Variants in USH2A observed in about 807,000 individuals in gnomAD.
USH2A encodes the protein Usher syndrome 2A (autosomal recessive, mild).
A neutral mutation model predicts 538.9 loss-of-function variants in USH2A; 443 were observed. The observed-to-expected ratio is 0.82, with a 90% CI of 0.76 to 0.89. The LOEUF is 0.89. Among genes scored for constraint, USH2A ranks in the 40% least tolerant of loss-of-function variants. The pLI, the probability that USH2A is intolerant of heterozygous loss-of-function variation, is 0.00. For missense variants in USH2A, 6,633 were observed against 6,324.8 expected (o/e 1.05, Z -1.65); for synonymous variants, 2,413 against 2,273.5 (o/e 1.06, Z -1.75).
chr1:216,308,957 G>A (rs2037371149), intron 9 of USH2A, among the ~76,000 whole-genome samples: 1 of 152,118 alleles, frequency 6.6e-6, no homozygotes, highest in African/African-American at 2.4e-5. Flanking sequence ...TGAGGGCAAA[G>A]GAAAAATACG....
chr1:215,881,830 C>G (rs1388272988), intron 41 of USH2A, among the ~76,000 whole-genome samples: 1 of 150,542 alleles, frequency 6.6e-6, no homozygotes, highest in African/African-American at 2.4e-5. Flanking sequence ...TCCATTTTTT[C>G]TGTTTATTGT....
chr1:216,188,190 G>A (rs879601477), intron 20 of USH2A, among the ~76,000 whole-genome samples: 13 of 151,636 alleles, frequency 8.6e-5, no homozygotes, highest in African/African-American at 2.4e-4. Context: ...CATCTTTTAC[G>A]CAACAGGATT....
At chr1:215,883,773 C>A (rs1282755830) in intron 41 of USH2A, among the ~76,000 whole-genome samples, 1 of 152,106 alleles carries the variant, frequency 6.6e-6, no homozygotes, top group Non-Finnish European at 1.5e-5. Flanking sequence ...CATGCCAATA[C>A]CATATTATTA....
At chr1:215,885,226 T>TA (rs5780862) in intron 41 of USH2A, among the ~76,000 whole-genome samples, 16,547 of 151,030 alleles carry the variant, frequency 0.11, 1,411 homozygotes, top group East Asian at 0.23. Context: ...CATCTATTGA[T>TA]AAAAAAAAAC....
chr1:216,008,635 G>C (rs901829126), intron 32 of USH2A, among the ~76,000 whole-genome samples: 1 of 152,126 alleles, frequency 6.6e-6, no homozygotes, highest in Non-Finnish European at 1.5e-5. Flanking sequence ...CTGTGAAAAA[G>C]ATCCACCTAC....
chr1:216,389,997 AACTG>A (rs988901914), intron 3 of USH2A, among the ~76,000 whole-genome samples: 52 of 127,616 alleles, frequency 4.1e-4, no homozygotes, highest in Admixed American at 1.0e-3. Context: ...AAATAAAAAA[AACTG>A]ACTGTCAGTT....
At chr1:215,748,042 C>T (rs1364317922) in intron 58 of USH2A, among the ~76,000 whole-genome samples, 1 of 151,966 alleles carries the variant, frequency 6.6e-6, no homozygotes, top group Non-Finnish European at 1.5e-5. Context: ...CAGGCGCCCG[C>T]CACCGCGCCC....
chr1:215,770,708 C>T (rs1279007077), intron 55 of USH2A, among the ~76,000 whole-genome samples: 4 of 152,034 alleles, frequency 2.6e-5, no homozygotes, highest in African/African-American at 4.8e-5. Context: ...AATTAACGCC[C>T]ACACTAACTT....
At chr1:215,747,280 C>T (rs2102731429) in intron 58 of USH2A, among the ~76,000 whole-genome samples, 1 of 152,238 alleles carries the variant, frequency 6.6e-6, no homozygotes, top group Admixed American at 6.5e-5. Flanking sequence ...GAGTTCTATA[C>T]TATTTTTCTC....
intron 9 of USH2A, among the ~76,000 whole-genome samples, chr1:216,308,515 T>G (rs2037360154): frequency 6.6e-6 from 1 of 152,232 alleles, no homozygotes; most frequent in South Asian, 2.1e-4. Flanking sequence ...CTTGTTCACT[T>G]CTTTTGTCTG....
chr1:216,244,197 A>AT (rs2035990193), intron 13 of USH2A, among the ~76,000 whole-genome samples: 1 of 152,132 alleles, frequency 6.6e-6, no homozygotes, highest in Admixed American at 6.6e-5. Flanking sequence ...GGGAAAGGAG[A>AT]ATGAACCAAA....
intron 18 of USH2A, 25 bp downstream of exon 18, chr1:216,198,290 T>TCAG (rs765842336): frequency 6.2e-7 from 1 of 1,613,588 alleles, no homozygotes; most frequent in Non-Finnish European, 8.5e-7. Context: ...GTTTTAAAAG[T>TCAG]AGAATTTAAA....
chr1:216,409,902 C>T (rs903356997), intron 3 of USH2A, among the ~76,000 whole-genome samples: 5 of 151,964 alleles, frequency 3.3e-5, no homozygotes, highest in African/African-American at 7.2e-5. Flanking sequence ...CACAGCAAAA[C>T]GAACTATCAA....
intron 50 of USH2A, among the ~76,000 whole-genome samples, chr1:215,794,564 A>C (rs1270343688): frequency 6.6e-6 from 1 of 152,212 alleles, no homozygotes; most frequent in Admixed American, 6.5e-5. Flanking sequence ...GAGAGGAAAA[A>C]TACATGTGGA....
chr1:216,102,101 T>A (rs1405067308), intron 21 of USH2A, among the ~76,000 whole-genome samples: 2 of 151,860 alleles, frequency 1.3e-5, no homozygotes, highest in Non-Finnish European at 2.9e-5. Flanking sequence ...TCAAAAGGTA[T>A]GAATAAGAGA....
chr1:215,875,923 A>T (rs1664754407), intron 43 of USH2A, among the ~76,000 whole-genome samples: 1 of 131,490 alleles, frequency 7.6e-6, no homozygotes, highest in South Asian at 2.6e-4. Flanking sequence ...TATAATATAT[A>T]TTGATTATTA....
chr1:215,712,407 C>T (rs1039857173), intron 61 of USH2A, among the ~76,000 whole-genome samples: 2 of 152,324 alleles, frequency 1.3e-5, no homozygotes, highest in Admixed American at 6.5e-5. Flanking sequence ...GTGTCCTCAT[C>T]GCCTTTGCTG....
chr1:215,931,042 T>G (rs180966585), intron 38 of USH2A, among the ~76,000 whole-genome samples: 1 of 152,020 alleles, frequency 6.6e-6, no homozygotes, highest in African/African-American at 2.4e-5. Context: ...AACTTGAGTG[T>G]GCAGAAGTAG....
intron 4 of USH2A, among the ~76,000 whole-genome samples, chr1:216,329,120 C>T (rs1401803706): frequency 6.6e-6 from 1 of 152,068 alleles, no homozygotes; most frequent in East Asian, 1.9e-4. Flanking sequence ...AGGCAGCTGG[C>T]ACAAGTGCAA....
Sources: gnomAD v4.1 joint callset for allele counts (sites outside exome capture counted in the v4.1 genomes callset) on GRCh38, gnomAD v4.1.1 for gene constraint, MANE v1.5 for transcripts, NCBI Gene and HGNC (gene_info 2026-07-23, HGNC 2026-07-21) for gene names.